PDS5B: variants seen among roughly 807,000 people sequenced by gnomAD.
PDS5B encodes the protein PDS5 cohesin associated factor B.
A neutral mutation model predicts 184.1 loss-of-function variants in PDS5B; 51 were observed. The ratio of observed to expected loss-of-function variants is 0.28; its 90% CI spans 0.22 to 0.35. PDS5B has a LOEUF of 0.35. Ranked by LOEUF, PDS5B falls within the 10% of genes least tolerant of loss-of-function variation. PDS5B has a pLI of 1.00. For synonymous variants in PDS5B, 566 were observed against 569.2 expected, an observed-to-expected ratio of 0.99 and a Z score of 0.08; for missense variants, 1,180 against 1,723.3, an observed-to-expected ratio of 0.68 and a Z score of 5.58.
chr13:32,666,396 A>G (rs1950796829), intron 6 of PDS5B, among the ~76,000 whole-genome samples: 1 of 152,146 alleles, frequency 6.6e-6, no homozygotes, highest in South Asian at 2.1e-4. Flanking sequence ...AGTATTTGAT[A>G]GTACAGTAGG....
At chr13:32,697,815 A>G (rs1951750496) in intron 15 of PDS5B, among the ~76,000 whole-genome samples, 1 of 152,134 alleles carries the variant, frequency 6.6e-6, no homozygotes. Context: ...GGCTCAAGCC[A>G]TCCTCCTACC....
intron 3 of PDS5B, among the ~76,000 whole-genome samples, chr13:32,658,037 C>G (rs1393340450): frequency 1.3e-5 from 2 of 151,920 alleles, no homozygotes; most frequent in African/African-American, 4.8e-5. Context: ...TTACTGTTTT[C>G]CTATGAAGGA....
chr13:32,635,419 C>G (rs1328069222), intron 1 of PDS5B, among the ~76,000 whole-genome samples: 1 of 144,674 alleles, frequency 6.9e-6, no homozygotes, highest in Non-Finnish European at 1.5e-5. Context: ...TCTTGGCTCA[C>G]TACAACCTCC....
intron 5 of PDS5B, among the ~76,000 whole-genome samples, chr13:32,658,904 T>C (rs1354740389): frequency 6.6e-6 from 1 of 151,230 alleles, no homozygotes; most frequent in Non-Finnish European, 1.5e-5. Context: ...GAAGTTGCTT[T>C]TGATGTAATT....
At chr13:32,614,793 C>G (rs553937087) in intron 1 of PDS5B, among the ~76,000 whole-genome samples, 2 of 152,274 alleles carry the variant, frequency 1.3e-5, no homozygotes, top group East Asian at 3.9e-4. Flanking sequence ...GCTGTTGACT[C>G]CAAATGTCAG....
rs895556445 is a variant in PDS5B at position 32,775,812 on chromosome 13, G to C, written c.*760G>C. The C allele has an allele frequency of 5.6e-5, 19 of 341,466 alleles. No homozygotes were observed. Among genetic ancestry groups the C allele is most frequent in the Non-Finnish European group, 1.1e-4 (19 of 174,062 alleles). The allele number at this position is 341,466 out of a possible 1,614,324, so 21.2% of individuals were successfully genotyped here. ...AAAGTATTTTAATTTTAAAGAGTGT[G>C]TTATAAAATAATGTACTGAATTCTT... On this transcript the variant is annotated 3_prime_UTR_variant, in exon 35 of 35. Transcript: ENST00000315596.
chr13:32,622,677 A>G (rs138819869), intron 1 of PDS5B, among the ~76,000 whole-genome samples: 57 of 152,320 alleles, frequency 3.7e-4, no homozygotes, highest in African/African-American at 1.2e-3. Flanking sequence ...CTCCGGGTCT[A>G]TCAGTTTTTA....
At chr13:32,731,412 C>T (rs750914707) in intron 19 of PDS5B, among the ~76,000 whole-genome samples, 5 of 152,170 alleles carry the variant, frequency 3.3e-5, no homozygotes, top group Non-Finnish European at 7.4e-5. Flanking sequence ...TCCCTCAGAA[C>T]TCTGCTCACA....
chr13:32,719,767 C>G (rs1360735705), intron 19 of PDS5B, among the ~76,000 whole-genome samples: 2 of 151,054 alleles, frequency 1.3e-5, no homozygotes, highest in Non-Finnish European at 2.9e-5. Flanking sequence ...AGGTTAATAC[C>G]TGCAATGTAT....
At chr13:32,731,660 A>C (rs950198768) in intron 19 of PDS5B, among the ~76,000 whole-genome samples, 1 of 152,158 alleles carries the variant, frequency 6.6e-6, no homozygotes, top group Non-Finnish European at 1.5e-5. Flanking sequence ...AGCATTGTTT[A>C]ATCAGATTTT....
At chr13:32,664,219 A>G (rs568706773) in intron 6 of PDS5B, among the ~76,000 whole-genome samples, 2 of 152,324 alleles carry the variant, frequency 1.3e-5, no homozygotes, top group African/African-American at 4.8e-5. Context: ...GACATACAAT[A>G]TAAGAGGATT....
intron 7 of PDS5B, among the ~76,000 whole-genome samples, chr13:32,669,242 G>C (rs1950872756): frequency 6.6e-6 from 1 of 151,234 alleles, no homozygotes. Flanking sequence ...AGCTCCTCCT[G>C]GTGGCCATTT....
chr13:32,679,531 G>A (rs917418774), intron 10 of PDS5B, among the ~76,000 whole-genome samples: 1 of 152,054 alleles, frequency 6.6e-6, no homozygotes, highest in Non-Finnish European at 1.5e-5. Context: ...AGCTACTCAG[G>A]AGGCTGAGGC....
At chr13:32,680,087 T>C (rs1951195585) in intron 10 of PDS5B, among the ~76,000 whole-genome samples, 1 of 152,246 alleles carries the variant, frequency 6.6e-6, no homozygotes, top group Non-Finnish European at 1.5e-5. Flanking sequence ...GCTATTTGTT[T>C]TTTTCACCTT....
intron 31 of PDS5B, among the ~76,000 whole-genome samples, chr13:32,765,132 A>G (rs1308698647): frequency 6.6e-6 from 1 of 152,206 alleles, no homozygotes; most frequent in Non-Finnish European, 1.5e-5. Context: ...TTTTAAGACA[A>G]ATTTGTTAAG....
intron 31 of PDS5B, among the ~76,000 whole-genome samples, chr13:32,767,032 TAAAAC>T (rs1005709845): frequency 3.3e-5 from 5 of 152,120 alleles, no homozygotes; most frequent in African/African-American, 4.8e-5. Context: ...TCTAAATAAA[TAAAAC>T]AAACTAAATC....
chr13:32,645,924 G>A (rs942756584), intron 1 of PDS5B, among the ~76,000 whole-genome samples: 18 of 151,960 alleles, frequency 1.2e-4, no homozygotes, highest in African/African-American at 4.4e-4. Flanking sequence ...GCTTATAAAT[G>A]TAATCATACT....
At chr13:32,708,083 A>G (rs1952082388) in intron 18 of PDS5B, among the ~76,000 whole-genome samples, 1 of 264 alleles carries the variant, frequency 3.8e-3, no homozygotes. Context: ...TTCTGCATAA[A>G]CTGCCCCCTT....
At chr13:32,602,047 T>C (rs936839433) in intron 1 of PDS5B, among the ~76,000 whole-genome samples, 2 of 132,694 alleles carry the variant, frequency 1.5e-5, no homozygotes, top group Non-Finnish European at 1.7e-5. Flanking sequence ...GTGAATGCAT[T>C]CAAAACAATG....
Sources: allele counts gnomAD v4.1 joint callset (sites outside exome capture counted in the v4.1 genomes callset), GRCh38; gene constraint gnomAD v4.1.1; transcripts MANE v1.5; gene names NCBI Gene and HGNC (gene_info 2026-07-23, HGNC 2026-07-21).